IL1RL2: variants seen among roughly 807,000 people sequenced by gnomAD.
IL1RL2 encodes the protein interleukin 1 receptor like 2, also known as interleukin-1 receptor-like 2.
IL1RL2 carries 68 observed loss-of-function variants against 66.8 expected under a neutral mutation model. The ratio of observed to expected loss-of-function variants is 1.02; its 90% confidence interval spans 0.84 to 1.25. IL1RL2 has a LOEUF of 1.25. Among genes scored for constraint, IL1RL2 ranks in the 50% most tolerant of loss-of-function variants. IL1RL2 has a pLI of 0.00. For synonymous variants in IL1RL2, 305 were observed against 264.6 expected, an observed-to-expected ratio of 1.15 and a Z score of -1.48; for missense variants, 729 against 709.3, an observed-to-expected ratio of 1.03 and a Z score of -0.32.
chr2:102,187,827 C>T, intron 1 of IL1RL2, 29 bp from the exon 2 acceptor site: 2 of 1,602,926 alleles, frequency 1.2e-6, no homozygotes, highest in Non-Finnish European at 1.7e-6. Flanking sequence ...TGCGTCCTCC[C>T]CTCCCACCCT....
intron 3 of IL1RL2, among the ~76,000 whole-genome samples, chr2:102,189,530 T>C (rs535181998): frequency 4.6e-5 from 7 of 152,390 alleles, no homozygotes; most frequent in Admixed American, 3.3e-4. Context: ...AAATGGCACC[T>C]CAGACCAGAC....
chr2:102,239,371 G>T lies in IL1RL2; in HGVS notation c.*130G>T, dbSNP rs12993937. On this transcript the variant is annotated 3_prime_UTR_variant, in exon 12 of 12. Transcript: ENST00000264257. Reference sequence around the variant, plus strand: ...TCTAGACACCCAGTTGAGCTCAGGCGTAGAGAAGAGGAGGATGGGATAAGA... The same window carrying T: ...TCTAGACACCCAGTTGAGCTCAGGCTTAGAGAAGAGGAGGATGGGATAAGA... 0.042 allele frequency: 34,402 copies of T among 817,246 alleles called. 953 individuals carry two copies. Among genetic ancestry groups the T allele is most frequent in the Middle Eastern group, 0.15 (648 of 4,370 alleles). 50.6% of individuals were successfully genotyped at this position (817,246 alleles called of 1,614,324 possible).
In IL1RL2 at chr2:102,231,719, A is replaced by G. The variant is rs188843916; in HGVS notation, c.1136-1244A>G. On this transcript the variant is annotated intron_variant, in intron 9 of 11. Transcript: ENST00000264257. ...GTCTTGTTCATCTCTTCATTGGCCA[A>G]TGCAGGGGCTGCTTTTGAGGTTGCT... is the stretch of plus-strand genomic sequence containing the variant. Among the ~76,000 whole-genome samples, 19 of 152,304 alleles carry G rather than the reference A, an allele frequency of 1.2e-4. No homozygotes were observed. The East Asian group carries it at 2.9e-3, about 23-fold the overall frequency.
At chr2:102,196,846 C>T (rs1031502762) in intron 4 of IL1RL2, among the ~76,000 whole-genome samples, 2 of 152,080 alleles carry the variant, frequency 1.3e-5, no homozygotes, top group East Asian at 3.9e-4. Flanking sequence ...AAAATAAACA[C>T]CATTTATGCC....
chr2:102,237,394 T>C (rs560131945), intron 11 of IL1RL2, among the ~76,000 whole-genome samples: 14 of 152,166 alleles, frequency 9.2e-5, no homozygotes, highest in Non-Finnish European at 2.1e-4. Context: ...TGGTCTCACA[T>C]GCACTCCGCA....
chr2:102,218,907 GTTTGTAGAATTTTC>G, intron 6 of IL1RL2, 32 bp from the exon 7 acceptor site: 1 of 1,559,930 alleles, frequency 6.4e-7, no homozygotes, highest in Non-Finnish European at 8.8e-7. Flanking sequence ...AAATTTGAAA[GTTTGTAGAATTTTC>G]ATTGAATATT....
chr2:102,238,006 G>A (rs1675022909), intron 11 of IL1RL2, among the ~76,000 whole-genome samples: 1 of 152,176 alleles, frequency 6.6e-6, no homozygotes, highest in Non-Finnish European at 1.5e-5. Flanking sequence ...AGGAGCCAGT[G>A]TGCCTTCATC....
chr2:102,239,514 C>A lies in IL1RL2; in HGVS notation c.*273C>A. 2.6e-6 allele frequency: 1 copy of A among 383,566 alleles called. No homozygotes were observed. The highest frequency in any genetic ancestry group is 5.0e-6 in the Non-Finnish European group (1 of 200,344). The allele number at this position is 383,566 out of a possible 1,614,324, so 23.8% of individuals were successfully genotyped here. A position where few individuals can be genotyped will look rare whatever the true frequency, so the allele number is the denominator to read the frequency against. ...GAGGGTGAGGGCTGGTCGGGGGAGG[C>A]ATCCCCAAGTCATGGTGGGTGAGAG... On this transcript the variant is annotated 3_prime_UTR_variant, in exon 12 of 12. Coordinates refer to ENST00000264257, the MANE Select transcript of IL1RL2 (RefSeq NM_003854.4).
At chr2:102,202,626 A>T (rs928806434) in intron 5 of IL1RL2, among the ~76,000 whole-genome samples, 1 of 152,016 alleles carries the variant, frequency 6.6e-6, no homozygotes, top group East Asian at 1.9e-4. Context: ...TGAAATGATG[A>T]TATGGTTTTA....
chr2:102,231,884 T>C (rs1346201967), intron 9 of IL1RL2, among the ~76,000 whole-genome samples: 2 of 152,232 alleles, frequency 1.3e-5, no homozygotes, highest in African/African-American at 2.4e-5. Flanking sequence ...TGGAATTCAC[T>C]GGTGGGCCTG....
At chr2:102,199,039 C>CT (rs1412502983) in intron 4 of IL1RL2, among the ~76,000 whole-genome samples, 1 of 152,158 alleles carries the variant, frequency 6.6e-6, no homozygotes, top group Non-Finnish European at 1.5e-5. Context: ...AACACCTTTG[C>CT]TTACCTAAGA....
At chr2:102,217,031 G>A (rs2104822411) in intron 6 of IL1RL2, among the ~76,000 whole-genome samples, 1 of 152,170 alleles carries the variant, frequency 6.6e-6, no homozygotes, top group Admixed American at 6.5e-5. Flanking sequence ...GAGATATTCT[G>A]AATTTGATTT....
intron 4 of IL1RL2, among the ~76,000 whole-genome samples, chr2:102,198,085 C>T (rs1478304042): frequency 6.6e-6 from 1 of 152,114 alleles, no homozygotes; most frequent in Non-Finnish European, 1.5e-5. Flanking sequence ...GGCTTCATGG[C>T]TCTGTTTCAA....
chr2:102,211,684 A>G (rs1257891039), intron 5 of IL1RL2, among the ~76,000 whole-genome samples: 1 of 152,254 alleles, frequency 6.6e-6, no homozygotes, highest in Non-Finnish European at 1.5e-5. Flanking sequence ...GCCATGGAAC[A>G]GGAACTGCAT....
rs1018930463 is a variant in IL1RL2 at position 102,212,121 on chromosome 2, G to A, written c.671G>A (p.Gly224Glu). The A allele has an allele frequency of 1.4e-5, 22 of 1,613,116 alleles. No homozygotes were observed. Among genetic ancestry groups the A allele is most frequent in the Non-Finnish European group, 1.9e-5 (22 of 1,179,302 alleles). The change falls in exon 6 of 12, where the codon GGA becomes GAA. Residue 224 changes from glycine to glutamate, a missense_variant. Physicochemically the swap from Gly to Glu is moderately conservative, Grantham distance 98. Coordinates refer to ENST00000264257, the MANE Select transcript of IL1RL2 (RefSeq NM_003854.4). ...VSITERAGYG[G>E]SVPKIIYPKN... ...TTAGCAGAAAGAGCTGGATATGGAG[G>A]AAGTGTCCCTAAAATCATTTATCCA...
At chr2:102,230,312 C>T (rs1217285933) in intron 9 of IL1RL2, among the ~76,000 whole-genome samples, 2 of 152,156 alleles carry the variant, frequency 1.3e-5, no homozygotes, top group Non-Finnish European at 1.5e-5. Context: ...CAAATGTGTG[C>T]TATGAAATTT....
chr2:102,218,897 A>G, intron 6 of IL1RL2, 56 bp from the exon 7 acceptor site: 1 of 1,528,218 alleles, frequency 6.5e-7, no homozygotes, highest in South Asian at 1.1e-5. Context: ...AGATGTTAAC[A>G]AATTTGAAAG....
intron 4 of IL1RL2, among the ~76,000 whole-genome samples, chr2:102,193,419 T>C (rs962707135): frequency 2.6e-5 from 4 of 152,210 alleles, no homozygotes; most frequent in Non-Finnish European, 4.4e-5. Flanking sequence ...TTTACTTTAT[T>C]TTATGACAGA....
At position 102,234,954 on chromosome 2, in the gene IL1RL2, T is replaced by G; in HGVS notation, c.1355T>G (p.Val452Gly). 1 of 1,614,226 alleles carries G rather than the reference T, an allele frequency of 6.2e-7. No individual in the cohort carries two copies. Among genetic ancestry groups the G allele is most frequent in the Non-Finnish European group, 8.5e-7 (1 of 1,180,054 alleles). ...CTGTGCAGGAGGCTGATTGTCATTG[T>G]GGTCCCCGAATCGCTGGGCTTTGGC... ...VKLCRRLIVI[V>G]VPESLGFGLL... The change falls in exon 11 of 12, where the codon GTG becomes GGG. Residue 452 changes from valine (V) to glycine (G), a missense_variant. Coordinates refer to ENST00000264257, the MANE Select transcript of IL1RL2 (RefSeq NM_003854.4).
Sources: gnomAD v4.1 joint callset for allele counts (sites outside exome capture counted in the v4.1 genomes callset) on GRCh38, gnomAD v4.1.1 for gene constraint, MANE v1.5 for transcripts, NCBI Gene and HGNC (gene_info 2026-07-23, HGNC 2026-07-21) for gene names.